Variants in ACBD6 observed in about 807,000 individuals in gnomAD.
ACBD6 encodes acyl-CoA binding domain containing 6.
In ACBD6, 28 loss-of-function variants were observed where a neutral mutation model predicts 37.2. The observed-to-expected ratio is 0.75, with a 90% CI of 0.56 to 1.03. The LOEUF (loss-of-function observed/expected upper bound fraction) is 1.03. Ranked by LOEUF, ACBD6 falls within the 50% of genes least tolerant of loss-of-function variation. ACBD6 has a pLI of 0.00. For synonymous variants in ACBD6, 113 were observed against 126.8 expected (o/e 0.89, Z 0.73); for missense variants, 340 against 337.4 (o/e 1.01, Z -0.06).
chr1:180,401,940 T>C (rs889073576), intron 5 of ACBD6, among the ~76,000 whole-genome samples: 1 of 152,082 alleles, frequency 6.6e-6, no homozygotes, highest in African/African-American at 2.4e-5. Flanking sequence ...GCAAATTTGG[T>C]ATATTTAAAT....
intron 3 of ACBD6, among the ~76,000 whole-genome samples, chr1:180,488,580 G>A (rs924676710): frequency 6.6e-6 from 1 of 150,882 alleles, no homozygotes; most frequent in South Asian, 2.1e-4. Flanking sequence ...TTGTTAGTTG[G>A]CTTTTTTTTT....
chr1:180,397,218 T>C (rs900504326), intron 6 of ACBD6, among the ~76,000 whole-genome samples: 2 of 152,192 alleles, frequency 1.3e-5, no homozygotes, highest in Non-Finnish European at 2.9e-5. Flanking sequence ...CCCATTTATA[T>C]AAAATATCCA....
At chr1:180,302,540 CCT>C (rs1386364642) in intron 7 of ACBD6, among the ~76,000 whole-genome samples, 9 of 151,988 alleles carry the variant, frequency 5.9e-5, no homozygotes, top group Non-Finnish European at 1.3e-4. Context: ...GATTGCAACC[CCT>C]GTCTTTTTTT....
chr1:180,278,547 C>G (rs1298169661), intron 9 of ACBD6: 1 of 152,052 alleles, frequency 6.6e-6, no homozygotes, highest in African/African-American at 2.4e-5. Context: ...ACCAAGCATT[C>G]CTTTGCTTAG....
intron 3 of ACBD6, among the ~76,000 whole-genome samples, chr1:180,436,532 G>A (rs757686516): frequency 4.6e-5 from 7 of 152,144 alleles, no homozygotes; most frequent in African/African-American, 7.2e-5. Flanking sequence ...TCCTTCTTGC[G>A]TTGTGTTTTT....
At chr1:180,304,179 C>T (rs766483049) in intron 7 of ACBD6, among the ~76,000 whole-genome samples, 10 of 150,816 alleles carry the variant, frequency 6.6e-5, no homozygotes, top group Middle Eastern at 6.3e-3. Flanking sequence ...TGGAACCATT[C>T]CCTTTGAAAA....
chr1:180,500,829 TAA>T (rs397982142), intron 1 of ACBD6, among the ~76,000 whole-genome samples: 2,663 of 111,704 alleles, frequency 0.024, 105 homozygotes, highest in African/African-American at 0.079. Flanking sequence ...AGACCCTCTG[TAA>T]AAAAAAAAAA....
chr1:180,284,967 T>C (rs1424711706), downstream of ACBD6, among the ~76,000 whole-genome samples: 1 of 151,670 alleles, frequency 6.6e-6, no homozygotes, highest in Non-Finnish European at 1.5e-5. Context: ...GCCTGGGCAA[T>C]ACAGGGAGAA....
At chr1:180,412,743 G>A (rs142873196) in intron 5 of ACBD6, among the ~76,000 whole-genome samples, 402 of 152,264 alleles carry the variant, frequency 2.6e-3, no homozygotes, top group African/African-American at 9.4e-3. Flanking sequence ...GCACATGCCT[G>A]TAGTCCTGGC....
At chr1:180,321,799 A>G (rs1165364962) in intron 6 of ACBD6, among the ~76,000 whole-genome samples, 2 of 152,168 alleles carry the variant, frequency 1.3e-5, no homozygotes, top group Admixed American at 6.5e-5. Flanking sequence ...AAGATCCTAT[A>G]ATCTTATGAT....
intron 4 of ACBD6, among the ~76,000 whole-genome samples, chr1:180,428,665 A>G (rs1648694855): frequency 6.6e-6 from 1 of 152,230 alleles, no homozygotes; most frequent in South Asian, 2.1e-4. Flanking sequence ...AAATGTATTC[A>G]GTACATCATT....
intron 3 of ACBD6, among the ~76,000 whole-genome samples, chr1:180,443,780 T>C (rs76574946): frequency 5.4e-4 from 1 of 1,858 alleles, no homozygotes; most frequent in East Asian, 0.25. Flanking sequence ...GCCCAGCTAA[T>C]TTTTTTTTTT....
chr1:180,284,663 C>G (rs1443154387), downstream of ACBD6, among the ~76,000 whole-genome samples: 3 of 152,022 alleles, frequency 2.0e-5, no homozygotes, highest in Admixed American at 6.5e-5. Context: ...AGCCACCGAG[C>G]CTGGCCGATA....
rs80112852 is a variant in ACBD6, at chr1:180,394,388, C to T, written c.663+3128G>A. On this transcript the variant is annotated intron_variant, in intron 6 of 7. Coordinates refer to ENST00000367595, the MANE Select transcript of ACBD6 (RefSeq NM_032360.4). ...TACAGGCATGAGCCATCACATCTGG[C>T]CAGTTTTTTTTTTTTTCTTTGTTGT... Among the ~76,000 whole-genome samples, 1,011 of 147,024 alleles carry T rather than the reference C, an allele frequency of 6.9e-3. 17 individuals are homozygous for T. The highest frequency in any genetic ancestry group is 0.024 in the African/African-American group (967 of 39,886).
In ACBD6 at chr1:180,502,335, G is replaced by GAGGCCTGGCCCACC; in HGVS notation, c.-83_-70dup. 1 of 1,543,716 alleles carries GAGGCCTGGCCCACC rather than the reference G, an allele frequency of 6.5e-7. No homozygotes were observed. The highest frequency in any genetic ancestry group is 8.9e-7 in the Non-Finnish European group (1 of 1,128,192). Reference sequence around the variant, plus strand: ...TTGGATTGGGTGTAAGGCCGGCTTGGAGGCCTGGCCCACCAGTCTGGGTCG... The same window carrying GAGGCCTGGCCCACC: ...TTGGATTGGGTGTAAGGCCGGCTTGGAGGCCTGGCCCACCAGGCCTGGCCCACCAGTCTGGGTCG... On this transcript the variant is annotated 5_prime_UTR_variant, in exon 1 of 8. Coordinates refer to ENST00000367595, the MANE Select transcript of ACBD6 (RefSeq NM_032360.4).
rs767195068 is a variant in ACBD6 at position 180,492,308 on chromosome 1, G to A, written c.345C>T (p.Ile115=). The A allele has an allele frequency of 3.7e-6, 6 of 1,613,936 alleles. No individual in the cohort carries two copies. The highest frequency in any genetic ancestry group is 3.3e-5 in the South Asian group (3 of 91,072). Reference sequence around the variant, plus strand: ...CTGGATCTAGTTTTTTAACTACTGCGATATATTCCTGCATTGCTTGGCTGG... The same window carrying A: ...CTGGATCTAGTTTTTTAACTACTGCAATATATTCCTGCATTGCTTGGCTGG... ...SSPSQAMQEY[I]AVVKKLDPGW... The change falls in exon 3 of 8, where the codon ATC becomes ATT. Residue 115 remains isoleucine (I), a synonymous_variant. Coordinates refer to ENST00000367595, the MANE Select transcript of ACBD6 (RefSeq NM_032360.4).
At position 180,313,790 on chromosome 1, in the gene ACBD6, T is replaced by C. The variant is rs1047009614; in HGVS notation, c.694+902A>G. Among the ~76,000 whole-genome samples the C allele has an allele frequency of 2.6e-5, 4 of 152,244 alleles. No homozygotes were observed. In the East Asian group the frequency reaches 7.7e-4, roughly 29 times the overall value. ...GAGTGATCCTCCTGCCTCAGCCTCC[T>C]GGTAGCTGGGACTACAGACGTGCAC... is the stretch of plus-strand genomic sequence containing the variant. On this transcript the variant is annotated intron_variant, in intron 7 of 7. Transcript: ENST00000367595.
At chr1:180,393,670 G>A (rs1156745054) in intron 6 of ACBD6, among the ~76,000 whole-genome samples, 1 of 152,186 alleles carries the variant, frequency 6.6e-6, no homozygotes, top group Non-Finnish European at 1.5e-5. Flanking sequence ...AAGCAAAAGA[G>A]TTATTCTGAG....
rs1257598732 is a variant in ACBD6, at chr1:180,282,795, G to A, written c.*94-1409C>T. ...AAAAAAAATCATTGTAACATTTAATGCTCCTCAATTAAAGTGATTCCCTGG... is the reference window on the plus strand; with the variant it reads ...AAAAAAAATCATTGTAACATTTAATACTCCTCAATTAAAGTGATTCCCTGG... On this transcript the variant is annotated intron_variant, in intron 8 of 13. Transcript: ENST00000642319. Among the ~76,000 whole-genome samples, 3 of 152,052 alleles carry A rather than the reference G, an allele frequency of 2.0e-5. No homozygotes were observed. The East Asian group carries it at 5.8e-4, about 29-fold the overall frequency.
Sources: gnomAD v4.1 joint callset for allele counts (sites outside exome capture counted in the v4.1 genomes callset) on GRCh38, gnomAD v4.1.1 for gene constraint, MANE v1.5 for transcripts, NCBI Gene and HGNC (gene_info 2026-07-23, HGNC 2026-07-21) for gene names.